The following NACC2 variants were observed in gnomAD, a reference collection of about 807,000 sequenced individuals.
NACC2 encodes NACC family member 2.
NACC2 carries 8 observed loss-of-function variants against 25.1 expected under a neutral mutation model. That is an observed-to-expected ratio of 0.32 (90% confidence interval 0.19 to 0.57). The LOEUF (loss-of-function observed/expected upper bound fraction) is 0.57, where lower values mean the gene tolerates loss of function less well. NACC2 is among the 20% of genes least tolerant of loss of function. The probability of loss-of-function intolerance (pLI) is 0.89; values close to 1 mark genes in which losing one functional copy is unlikely to be tolerated. For missense variants in NACC2, 644 were observed against 650.2 expected, an observed-to-expected ratio of 0.99 and a Z score of 0.10; for synonymous variants, 435 against 294.7, an observed-to-expected ratio of 1.48 and a Z score of -4.88.
chr9:136,056,242 C>G (rs1406787504), intron 1 of NACC2, among the ~76,000 whole-genome samples: 1 of 152,188 alleles, frequency 6.6e-6, no homozygotes, highest in African/African-American at 2.4e-5. Context: ...GAAAGCAGAG[C>G]TGGGCTGCCC....
chr9:136,047,732 C>A (rs545850862), intron 2 of NACC2, among the ~76,000 whole-genome samples: 1 of 152,194 alleles, frequency 6.6e-6, no homozygotes, highest in Non-Finnish European at 1.5e-5. Flanking sequence ...TCCACAGAGC[C>A]GCTTCCTGGC....
intron 1 of NACC2, among the ~76,000 whole-genome samples, chr9:136,089,388 C>A (rs7868482): frequency 2.0e-5 from 3 of 152,146 alleles, no homozygotes; most frequent in Admixed American, 2.0e-4. Flanking sequence ...CTAGCACCCG[C>A]GAAGGCCTGA....
At chr9:136,067,267 CAAAA>C (rs58132081) in intron 1 of NACC2, among the ~76,000 whole-genome samples, 1 of 93,666 alleles carries the variant, frequency 1.1e-5, no homozygotes. Context: ...AACTCTGTCT[CAAAA>C]AAAAAAAAAA....
Position 136,018,724 on chromosome 9 carries a change from C to T in NACC2, c.887-2295G>A, listed in dbSNP as rs1265468430. 1.3e-5 allele frequency among the ~76,000 whole-genome samples: 2 copies of T among 151,858 alleles called. No homozygotes were observed. Among genetic ancestry groups the T allele is most frequent in the East Asian group, 3.9e-4 (2 of 5,148 alleles). Reference sequence around the variant, plus strand: ...AGCATTTCCCGGTGGGGCAGAGCATCGCAGGATAAGCCCAGAATTACCCGA... The same window carrying T: ...AGCATTTCCCGGTGGGGCAGAGCATTGCAGGATAAGCCCAGAATTACCCGA... On this transcript the variant is annotated intron_variant, in intron 2 of 5. Coordinates refer to ENST00000277554, the MANE Select transcript of NACC2 (RefSeq NM_144653.5). The surrounding 1 kb of genome is among the most constrained non-coding windows in gnomAD (Gnocchi z 4.4).
At chr9:136,045,401 A>G (rs1840707672) in intron 2 of NACC2, among the ~76,000 whole-genome samples, 1 of 149,138 alleles carries the variant, frequency 6.7e-6, no homozygotes. Flanking sequence ...CCTGCTGGGA[A>G]AGGGTTACCG....
chr9:136,060,319 G>T (rs1428650803), intron 1 of NACC2, among the ~76,000 whole-genome samples: 4 of 152,240 alleles, frequency 2.6e-5, no homozygotes, highest in African/African-American at 9.6e-5. Context: ...TTGGCTTTGG[G>T]ATCACGGGGA....
At chr9:136,067,200 GCCAAGATCGCA>G (rs569263444) in intron 1 of NACC2, among the ~76,000 whole-genome samples, 19 of 148,310 alleles carry the variant, frequency 1.3e-4, no homozygotes, top group East Asian at 1.2e-3. Context: ...GTTGCGGTGA[GCCAAGATCGCA>G]CCAAGATCGC....
At chr9:136,071,539 T>A (rs1026467542) in intron 1 of NACC2, among the ~76,000 whole-genome samples, 1 of 48,618 alleles carries the variant, frequency 2.1e-5, no homozygotes. Flanking sequence ...TGAGACTCCA[T>A]CTCAAAAAAA....
Position 136,017,776 on chromosome 9 carries a change from G to A in NACC2, c.887-1347C>T, listed in dbSNP as rs541880386. 4.0e-5 allele frequency among the ~76,000 whole-genome samples: 6 copies of A among 150,502 alleles called. No individual in the cohort carries two copies. In the East Asian group the frequency reaches 1.2e-3, roughly 30 times the overall value. On this transcript the variant is annotated intron_variant, in intron 2 of 5. Coordinates refer to ENST00000277554, the MANE Select transcript of NACC2 (RefSeq NM_144653.5). ...AGCACAAAAGGCAAGGCCCTGAGAG[G>A]GCCACCTGCCCAGTCAGCTGCCTTC...
intron 2 of NACC2, 147 bp downstream of exon 2, chr9:136,049,489 C>G: frequency 3.3e-6 from 2 of 597,324 alleles, no homozygotes; most frequent in Non-Finnish European, 6.0e-6. Flanking sequence ...CCATGGTGAA[C>G]AGAGCTCTGC....
intron 2 of NACC2, among the ~76,000 whole-genome samples, chr9:136,046,579 G>A (rs1176061819): frequency 2.0e-5 from 3 of 152,226 alleles, no homozygotes; most frequent in Non-Finnish European, 2.9e-5. Flanking sequence ...GGACCGAGAC[G>A]GGGCCTGCCT....
intron 1 of NACC2, among the ~76,000 whole-genome samples, chr9:136,066,221 A>G (rs1337587097): frequency 1.3e-5 from 2 of 152,054 alleles, no homozygotes; most frequent in Non-Finnish European, 2.9e-5. Context: ...AAAGAAAAAG[A>G]AACCAAAGAA....
At position 136,070,389 on chromosome 9, in the gene NACC2, T is replaced by A. The variant is rs992838980; in HGVS notation, c.-59-19809A>T. Among the ~76,000 whole-genome samples, 7 of 151,464 alleles carry A rather than the reference T, an allele frequency of 4.6e-5. 1 individual carries two copies. Among genetic ancestry groups the A allele is most frequent in the African/African-American group, 1.7e-4 (7 of 40,916 alleles). The stretch of plus-strand genomic sequence containing the variant: ...CGGGCGTGGTGGTGGGCGCCTATAA[T>A]CCCAGCCACTGGGGAGGCTGAGGCA... On this transcript the variant is annotated intron_variant, in intron 1 of 5. Transcript: ENST00000277554.
At chr9:136,062,153 AGGAC>A (rs1841021465) in intron 1 of NACC2, among the ~76,000 whole-genome samples, 1 of 151,692 alleles carries the variant, frequency 6.6e-6, no homozygotes, top group Non-Finnish European at 1.5e-5. Flanking sequence ...AGGACAGGAC[AGGAC>A]AGGACAGGAC....
chr9:136,016,153 T>A, intron 3 of NACC2, 112 bp downstream of exon 3: 1 of 863,232 alleles, frequency 1.2e-6, no homozygotes, highest in Non-Finnish European at 1.6e-6. Flanking sequence ...AAATTTAAGA[T>A]TTTTTTTTTG....
At chr9:136,088,662 C>G (rs59801729) in intron 1 of NACC2, among the ~76,000 whole-genome samples, 1,906 of 152,244 alleles carry the variant, frequency 0.013, 42 homozygotes, top group African/African-American at 0.043. Context: ...ACCCAGCCGG[C>G]CAGGAGGCAT....
chr9:136,055,601 G>A lies in NACC2; in HGVS notation c.-59-5021C>T, dbSNP rs574776231. Among the ~76,000 whole-genome samples, 15 of 152,244 alleles carry A rather than the reference G, an allele frequency of 9.9e-5. No homozygotes were observed. The highest frequency in any genetic ancestry group is 1.3e-4 in the Admixed American group (2 of 15,280). On this transcript the variant is annotated intron_variant, in intron 1 of 5. Transcript: ENST00000277554. The surrounding 1 kb of genome is among the most constrained non-coding windows in gnomAD (Gnocchi z 4.9). ...CAGCAAACCAGAGGAATGCGGCACT[G>A]AATTTCTGCAGGATCACCACCAGCA... is the stretch of plus-strand genomic sequence containing the variant.
chr9:136,043,184 G>T (rs2131156390), intron 2 of NACC2, among the ~76,000 whole-genome samples: 1 of 152,326 alleles, frequency 6.6e-6, no homozygotes, highest in Non-Finnish European at 1.5e-5. Flanking sequence ...TTACAATAAT[G>T]AAAAGGCAGG....
intron 1 of NACC2, among the ~76,000 whole-genome samples, chr9:136,072,845 C>T (rs890137289): frequency 3.0e-5 from 4 of 131,310 alleles, no homozygotes; most frequent in Admixed American, 2.3e-4. Flanking sequence ...AGTGAAACTC[C>T]GTCTCAAATA....
Sources: allele counts gnomAD v4.1 joint callset (sites outside exome capture counted in the v4.1 genomes callset), GRCh38; gene constraint gnomAD v4.1.1; non-coding constraint Gnocchi (gnomAD v3.1); transcripts MANE v1.5; gene names NCBI Gene and HGNC (gene_info 2026-07-23, HGNC 2026-07-21).